STRAP: variants seen among roughly 807,000 people sequenced by gnomAD.
STRAP encodes serine-threonine kinase receptor-associated protein.
In STRAP, 16 loss-of-function variants were observed where a neutral mutation model predicts 47.0. The observed-to-expected ratio is 0.34, with a 90% confidence interval of 0.23 to 0.52. STRAP has a LOEUF of 0.52. Ranked by LOEUF, STRAP falls within the 20% of genes least tolerant of loss-of-function variation. The pLI, the probability that STRAP is intolerant of heterozygous loss-of-function variation, is 0.96. For missense variants in STRAP, 293 were observed against 420.0 expected (o/e 0.70, Z 2.64); for synonymous variants, 130 against 142.7 (o/e 0.91, Z 0.63).
intron 9 of STRAP, among the ~76,000 whole-genome samples, chr12:15,901,352 A>C (rs1948101834): frequency 6.6e-6 from 1 of 152,190 alleles, no homozygotes; most frequent in Non-Finnish European, 1.5e-5. Flanking sequence ...CTGGGAACTA[A>C]GGATGAGCAG....
rs1948010346 is a variant in STRAP at position 15,890,990 on chromosome 12, G to T, written c.403+321G>T. On this transcript the variant is annotated intron_variant, in intron 4 of 9. Coordinates refer to ENST00000419869, the MANE Select transcript of STRAP (RefSeq NM_007178.4). The surrounding 1 kb of genome is among the most constrained non-coding windows in gnomAD (Gnocchi z 4.5). ...CAGGAGAATCGCTTGAACCCGGGAG[G>T]TGGAGGTTGCAGTGAGCCGAGATTG... is the stretch of plus-strand genomic sequence containing the variant. Among the ~76,000 whole-genome samples the T allele has an allele frequency of 6.6e-6, 1 of 151,858 alleles. No homozygotes were observed. Among genetic ancestry groups the T allele is most frequent in the African/African-American group, 2.4e-5 (1 of 41,330 alleles).
intron 2 of STRAP, among the ~76,000 whole-genome samples, chr12:15,884,470 C>G (rs567839531): frequency 4.6e-5 from 7 of 151,156 alleles, no homozygotes; most frequent in African/African-American, 1.7e-4. Flanking sequence ...TTCAAATATT[C>G]AAATGGTATG....
intron 2 of STRAP, among the ~76,000 whole-genome samples, chr12:15,884,075 C>T (rs1187633117): frequency 6.6e-6 from 1 of 152,122 alleles, no homozygotes; most frequent in Non-Finnish European, 1.5e-5. Flanking sequence ...CATTAAAACT[C>T]ATTGTGTCAA....
chr12:15,901,101 T>A, intron 9 of STRAP, 89 bp downstream of exon 9: 2 of 909,562 alleles, frequency 2.2e-6, no homozygotes, highest in Non-Finnish European at 3.2e-6. Context: ...CAGAAGAAAT[T>A]TATTAAATAT....
At chr12:15,900,484 C>T (rs1376301653) in intron 8 of STRAP, among the ~76,000 whole-genome samples, 2 of 150,590 alleles carry the variant, frequency 1.3e-5, no homozygotes, top group Non-Finnish European at 2.9e-5. Flanking sequence ...GAGATCACGC[C>T]ACTGCACTCC....
chr12:15,890,698 G>T lies in STRAP; in HGVS notation c.403+29G>T. On this transcript the variant is annotated intron_variant, in intron 4 of 9. Coordinates refer to ENST00000419869, the MANE Select transcript of STRAP (RefSeq NM_007178.4). This position sits in a 1 kb window ranked among gnomAD's most constrained non-coding sequence, Gnocchi z 4.5. Reference sequence around the variant, plus strand: ...AGCATAATTTAAACATCAGCTTCTAGTTTTATTTTCTTTTAATTTAAATAA... The same window carrying T: ...AGCATAATTTAAACATCAGCTTCTATTTTTATTTTCTTTTAATTTAAATAA... 1 of 1,542,170 alleles carries T rather than the reference G, an allele frequency of 6.5e-7. No homozygotes were observed. Among genetic ancestry groups the T allele is most frequent in the Non-Finnish European group, 8.8e-7 (1 of 1,133,360 alleles).
Position 15,882,962 on chromosome 12 carries a change from C to A in STRAP, c.112+143C>A, listed in dbSNP as rs1947935965. 3.7e-6 allele frequency: 5 copies of A among 1,351,460 alleles called. No individual in the cohort carries two copies. The South Asian group carries it at 6.3e-5, about 17-fold the overall frequency. The allele number at this position is 1,351,460 out of a possible 1,614,324, so 83.7% of individuals were successfully genotyped here. A position where few individuals can be genotyped will look rare whatever the true frequency, so the allele number is the denominator to read the frequency against. ...ATCTGAGATGAGAGCCAACACTGGT[C>A]CGGTGGAGAAAGGAGTGTGTTAGGG... On this transcript the variant is annotated intron_variant, in intron 1 of 9. Transcript: ENST00000419869.
chr12:15,903,361 G>C lies in STRAP; in HGVS notation c.*383G>C, dbSNP rs1212143155. The C allele has an allele frequency of 6.4e-6, 1 of 156,828 alleles. No individual in the cohort carries two copies. Among genetic ancestry groups the C allele is most frequent in the Non-Finnish European group, 1.4e-5 (1 of 71,420 alleles). 9.7% of individuals were successfully genotyped at this position (156,828 alleles called of 1,614,324 possible). On this transcript the variant is annotated 3_prime_UTR_variant, in exon 10 of 10. Transcript: ENST00000419869. ...GAATGCCTTTTCTTTTTTTGCTTCA[G>C]TTGTAAAGAAGAGGGAATACATGAT... is the stretch of plus-strand genomic sequence containing the variant.
intron 2 of STRAP, among the ~76,000 whole-genome samples, chr12:15,888,356 A>C (rs927083418): frequency 1.3e-5 from 2 of 152,214 alleles, no homozygotes; most frequent in Non-Finnish European, 2.9e-5. Context: ...AGGTTGGGAA[A>C]GTAGATTGGG....
intron 7 of STRAP, among the ~76,000 whole-genome samples, chr12:15,899,192 T>C (rs2136113385): frequency 6.6e-6 from 1 of 152,334 alleles, no homozygotes. Flanking sequence ...TTTGTACTCT[T>C]ACAACTTTTC....
At chr12:15,889,378 T>C (rs564677493) in intron 2 of STRAP, among the ~76,000 whole-genome samples, 79 of 152,274 alleles carry the variant, frequency 5.2e-4, no homozygotes, top group Middle Eastern at 3.4e-3. Flanking sequence ...TAAGTCAGCT[T>C]TGAAGAAGAG....
intron 7 of STRAP, 92 bp downstream of exon 7, chr12:15,898,110 T>C: frequency 8.5e-7 from 1 of 1,170,334 alleles, no homozygotes; most frequent in Non-Finnish European, 1.1e-6. Flanking sequence ...ATATGTTACA[T>C]ATATATGTTG....
rs1218009854 is a variant in STRAP at position 15,902,983 on chromosome 12, C to T, written c.*5C>T. ...GCTCCTGATGTTAAGGCCTGAGCGT[C>T]AATCATATGTGCAGTTAGTATACAA... is the stretch of plus-strand genomic sequence containing the variant. On this transcript the variant is annotated 3_prime_UTR_variant, in exon 10 of 10. Coordinates refer to ENST00000419869, the MANE Select transcript of STRAP (RefSeq NM_007178.4). 37 of 1,409,274 alleles carry T rather than the reference C, an allele frequency of 2.6e-5. No individual in the cohort carries two copies. The highest frequency in any genetic ancestry group is 3.0e-5 in the Non-Finnish European group (33 of 1,091,324). The allele number at this position is 1,409,274 out of a possible 1,614,324, so 87.3% of individuals were successfully genotyped here.
chr12:15,892,083 T>A (rs1382385267), intron 4 of STRAP, among the ~76,000 whole-genome samples: 1 of 152,194 alleles, frequency 6.6e-6, no homozygotes, highest in African/African-American at 2.4e-5. Flanking sequence ...TTTGTCAATT[T>A]AAGAAAATAA....
At chr12:15,895,235 G>A (rs1345773823) in intron 5 of STRAP, 124 bp from the exon 6 acceptor site, 51 of 769,058 alleles carry the variant, frequency 6.6e-5, no homozygotes, top group Non-Finnish European at 8.5e-5. Context: ...TTTGTGACTT[G>A]GAATGAATGT....
In STRAP at chr12:15,900,025, G is replaced by T. The variant is rs140559082; in HGVS notation, c.897G>T (p.Thr299=). ...TATGGCAAACTGTGGTAGGAAAAAC[G>T]TATGGCCTTTGGAAATGTGTGCTTC... ...LRLWQTVVGK[T]YGLWKCVLPE... is the part of the protein sequence containing the mutation. The change falls in exon 8 of 10, where the codon ACG becomes ACT. Residue 299 remains threonine (T), a synonymous_variant. Coordinates refer to ENST00000419869, the MANE Select transcript of STRAP (RefSeq NM_007178.4). The T allele has an allele frequency of 2.5e-6, 4 of 1,613,092 alleles. No individual in the cohort carries two copies. Among genetic ancestry groups the T allele is most frequent in the African/African-American group, 2.7e-5 (2 of 74,880 alleles).
Position 15,882,387 on chromosome 12 carries a change from C to T in STRAP, c.-321C>T, listed in dbSNP as rs753023229. The T allele has an allele frequency of 1.2e-5, 5 of 410,636 alleles. No homozygotes were observed. The highest frequency in any genetic ancestry group is 4.1e-5 in the Admixed American group (1 of 24,524). The allele number at this position is 410,636 out of a possible 1,614,324, so 25.4% of individuals were successfully genotyped here. ...TCCGGCGGGTGCTCTGCGTCATTTA[C>T]GTCGTCACTTCCTGCCGATGCCGGT... is the stretch of plus-strand genomic sequence containing the variant. On this transcript the variant is annotated 5_prime_UTR_variant, in exon 1 of 10. Transcript: ENST00000419869.
At chr12:15,884,007 C>T (rs952550042) in intron 2 of STRAP, among the ~76,000 whole-genome samples, 2 of 152,158 alleles carry the variant, frequency 1.3e-5, no homozygotes, top group African/African-American at 4.8e-5. Flanking sequence ...TGATATCCTA[C>T]ATTGATGGCC....
At chr12:15,895,869 A>G (rs1224345925) in intron 6 of STRAP, among the ~76,000 whole-genome samples, 2 of 151,348 alleles carry the variant, frequency 1.3e-5, no homozygotes, top group Non-Finnish European at 2.9e-5. Context: ...TCTGAAAAAA[A>G]AAAAAAAAAA....
Sources: gnomAD v4.1 joint callset for allele counts (sites outside exome capture counted in the v4.1 genomes callset) on GRCh38, gnomAD v4.1.1 for gene constraint, Gnocchi (gnomAD v3.1) non-coding constraint, MANE v1.5 for transcripts, NCBI Gene and HGNC (gene_info 2026-07-23, HGNC 2026-07-21) for gene names.